STK32B: variants seen among roughly 807,000 people sequenced by gnomAD.
STK32B encodes serine/threonine kinase 32B.
STK32B carries 43 observed loss-of-function variants against 52.6 expected under a neutral mutation model. That is an observed-to-expected ratio of 0.82 (90% CI 0.64 to 1.05). The LOEUF (loss-of-function observed/expected upper bound fraction) is 1.05. STK32B is among the 50% of genes least tolerant of loss of function. The pLI, the probability that STK32B is intolerant of heterozygous loss-of-function variation, is 0.00. For synonymous variants in STK32B, 238 were observed against 204.3 expected, an observed-to-expected ratio of 1.17 and a Z score of -1.41; for missense variants, 621 against 534.6, an observed-to-expected ratio of 1.16 and a Z score of -1.59.
At chr4:5,224,653 C>T (rs1229276376) in intron 3 of STK32B, among the ~76,000 whole-genome samples, 1 of 152,068 alleles carries the variant, frequency 6.6e-6, no homozygotes, top group African/African-American at 2.4e-5. Context: ...GAATCTCAGG[C>T]CTACTACTGG....
rs535856977 is a variant in STK32B, at chr4:5,380,971, G to A, written c.435-17236G>A. ...CGTCCTCCCAACTCTCTGGCCCACC[G>A]CCTGGGAAGCAATTTGCAGAGCAGT... On this transcript the variant is annotated intron_variant, in intron 4 of 11. Transcript: ENST00000282908. This position sits in a 1 kb window ranked among gnomAD's most constrained non-coding sequence, Gnocchi z 4.3. Among the ~76,000 whole-genome samples the A allele has an allele frequency of 3.9e-5, 6 of 152,218 alleles. No homozygotes were observed. The highest frequency in any genetic ancestry group is 2.1e-4 in the South Asian group (1 of 4,806).
chr4:5,082,519 C>G (rs188914961), intron 1 of STK32B, among the ~76,000 whole-genome samples: 5 of 152,294 alleles, frequency 3.3e-5, no homozygotes, highest in African/African-American at 1.2e-4. Flanking sequence ...GGAGAGAGCC[C>G]TGTTGTCATG....
intron 1 of STK32B, among the ~76,000 whole-genome samples, chr4:5,134,564 G>A (rs931958810): frequency 6.6e-6 from 1 of 152,190 alleles, no homozygotes; most frequent in African/African-American, 2.4e-5. Flanking sequence ...TTCTGTGATA[G>A]CAACACAAAA....
chr4:5,302,984 G>C lies in STK32B; in HGVS notation c.261-28236G>C, dbSNP rs539434328. Among the ~76,000 whole-genome samples the C allele has an allele frequency of 7.0e-5, 8 of 114,762 alleles. No individual in the cohort carries two copies. The East Asian group carries it at 1.2e-3, about 17-fold the overall frequency. 75.3% of individuals were successfully genotyped at this position (114,762 alleles called of 152,430 possible). ...TTCTATGGTATATGTGTGTGTGTCT[G>C]TGTGTGTGTGTGTTTGTGTGTGTAT... On this transcript the variant is annotated intron_variant, in intron 3 of 11. Transcript: ENST00000282908.
At chr4:5,105,874 C>T (rs557746386) in intron 1 of STK32B, among the ~76,000 whole-genome samples, 2 of 152,086 alleles carry the variant, frequency 1.3e-5, no homozygotes, top group Admixed American at 1.3e-4. Flanking sequence ...AACAGATGTT[C>T]TTTAAGTCAA....
At chr4:5,428,279 G>T (rs2109087399) in intron 6 of STK32B, among the ~76,000 whole-genome samples, 1 of 152,058 alleles carries the variant, frequency 6.6e-6, no homozygotes, top group South Asian at 2.1e-4. Flanking sequence ...ATAGTGGTGG[G>T]TGCCTGTAGT....
At chr4:5,299,491 C>T (rs1453473299) in intron 3 of STK32B, among the ~76,000 whole-genome samples, 1 of 152,102 alleles carries the variant, frequency 6.6e-6, no homozygotes, top group African/African-American at 2.4e-5. Flanking sequence ...TATGATTACC[C>T]AATTTATCCA....
At chr4:5,340,103 AT>A (rs1732976361) in intron 4 of STK32B, among the ~76,000 whole-genome samples, 2 of 152,240 alleles carry the variant, frequency 1.3e-5, no homozygotes, top group African/African-American at 4.8e-5. Context: ...TTTTCATAGC[AT>A]TTGAATTGGC....
At chr4:5,139,783 G>GTAT (rs1159979593) in intron 1 of STK32B, 122 bp from the exon 2 acceptor site, 1 of 1,084,856 alleles carries the variant, frequency 9.2e-7, no homozygotes, top group Non-Finnish European at 1.4e-6. Flanking sequence ...GCTCTGGCAA[G>GTAT]TATAGTGCAC....
Position 5,257,484 on chromosome 4 carries a change from A to T in STK32B, c.261-73736A>T, listed in dbSNP as rs1213577759. Among the ~76,000 whole-genome samples, 5 of 152,322 alleles carry T rather than the reference A, an allele frequency of 3.3e-5. No individual in the cohort carries two copies. In the East Asian group the frequency reaches 9.6e-4, roughly 29 times the overall value. On this transcript the variant is annotated intron_variant, in intron 3 of 11. Coordinates refer to ENST00000282908, the MANE Select transcript of STK32B (RefSeq NM_018401.3). ...GAACATGGTAGCTCCTCCCCACTCC[A>T]CCATAACCATCTCACCAGCCACCAT...
At chr4:5,319,051 G>A (rs919639577) in intron 3 of STK32B, among the ~76,000 whole-genome samples, 9 of 152,000 alleles carry the variant, frequency 5.9e-5, no homozygotes, top group South Asian at 2.1e-4. Flanking sequence ...TGATCCACCC[G>A]CCTTGGCCTC....
chr4:5,455,734 C>T (rs1031069372), intron 7 of STK32B, among the ~76,000 whole-genome samples: 3 of 152,098 alleles, frequency 2.0e-5, no homozygotes, highest in African/African-American at 2.4e-5. Flanking sequence ...GGACCCTGCT[C>T]GATGACAGAC....
intron 3 of STK32B, among the ~76,000 whole-genome samples, chr4:5,193,662 G>T (rs377167817): frequency 6.6e-6 from 1 of 152,238 alleles, no homozygotes; most frequent in Non-Finnish European, 1.5e-5. Context: ...AGCCTCAGAG[G>T]CTTCTTCACA....
At chr4:5,356,924 G>T (rs569346677) in intron 4 of STK32B, among the ~76,000 whole-genome samples, 2 of 152,230 alleles carry the variant, frequency 1.3e-5, no homozygotes, top group South Asian at 4.2e-4. Context: ...CTTGAACCCA[G>T]GAGGTAGAGG....
rs2109045915 is a variant in STK32B, at chr4:5,398,343, A to G, written c.472+99A>G. 4.7e-6 allele frequency: 6 copies of G among 1,269,838 alleles called. No individual in the cohort carries two copies. In the South Asian group the frequency reaches 6.5e-5, roughly 14 times the overall value. 78.7% of individuals were successfully genotyped at this position (1,269,838 alleles called of 1,614,324 possible). On this transcript the variant is annotated intron_variant, in intron 5 of 11. Coordinates refer to ENST00000282908, the MANE Select transcript of STK32B (RefSeq NM_018401.3). The surrounding 1 kb of genome is among the most constrained non-coding windows in gnomAD (Gnocchi z 4.9). Reference sequence around the variant, plus strand: ...GGGGTTGGGTCTTGCTGAGTTGGACATTAGCATTGGCTAGAAACCTTCTCT... The same window carrying G: ...GGGGTTGGGTCTTGCTGAGTTGGACGTTAGCATTGGCTAGAAACCTTCTCT...
At chr4:5,491,768 A>C (rs2108726653) in intron 11 of STK32B, among the ~76,000 whole-genome samples, 1 of 151,860 alleles carries the variant, frequency 6.6e-6, no homozygotes, top group East Asian at 1.9e-4. Flanking sequence ...AGGTGTAAGG[A>C]AGGGATCCAG....
At chr4:5,491,073 C>G (rs1466517557) in intron 11 of STK32B, among the ~76,000 whole-genome samples, 2 of 152,172 alleles carry the variant, frequency 1.3e-5, no homozygotes, top group Non-Finnish European at 2.9e-5. Flanking sequence ...ATTTATAGTC[C>G]TTTGGGTATA....
chr4:5,249,501 T>TC (rs1725758394), intron 3 of STK32B, among the ~76,000 whole-genome samples: 31 of 124,946 alleles, frequency 2.5e-4, no homozygotes, highest in Non-Finnish European at 3.4e-4. Flanking sequence ...CTTCCTTCCT[T>TC]CCTCCCTCCC....
chr4:5,342,999 T>C (rs1035861040), intron 4 of STK32B, among the ~76,000 whole-genome samples: 3 of 152,160 alleles, frequency 2.0e-5, no homozygotes, highest in African/African-American at 7.2e-5. Flanking sequence ...GTGCACAACA[T>C]GCAGGTTTGT....
Sources: allele counts gnomAD v4.1 joint callset (sites outside exome capture counted in the v4.1 genomes callset), GRCh38; gene constraint gnomAD v4.1.1; non-coding constraint Gnocchi (gnomAD v3.1); transcripts MANE v1.5; gene names NCBI Gene and HGNC (gene_info 2026-07-23, HGNC 2026-07-21).